MICU1: variants seen among roughly 807,000 people sequenced by gnomAD.
The protein encoded by MICU1 is mitochondrial calcium uptake 1, also known as calcium uptake protein 1, mitochondrial.
Under a neutral mutation model 56.8 loss-of-function variants are expected in MICU1, and 45 were observed. The observed-to-expected ratio is 0.79, with a 90% CI of 0.62 to 1.02. MICU1 has a LOEUF of 1.02. Among genes scored for constraint, MICU1 ranks in the 50% least tolerant of loss-of-function variants. The pLI is 0.00. For missense variants in MICU1, 504 were observed against 587.1 expected (o/e 0.86, Z 1.46); for synonymous variants, 186 against 195.1 (o/e 0.95, Z 0.39).
Position 72,563,015 on chromosome 10 carries a change from G to T in MICU1, c.210C>A (p.Ile70=). 1.2e-6 allele frequency: 2 copies of T among 1,603,098 alleles called. No individual in the cohort carries two copies. The highest frequency in any genetic ancestry group is 2.3e-5 in the South Asian group (2 of 88,282). ...PPCVDNLKSD[I]GDKGKNKDEG... ...CATCTTTATTCTTCCCTTTATCACCGATGTCACTTTTTAGGTTGTCTACAC... is the reference window on the plus strand; with the variant it reads ...CATCTTTATTCTTCCCTTTATCACCTATGTCACTTTTTAGGTTGTCTACAC... The change falls in exon 3 of 12, where the codon ATC becomes ATA. Residue 70 remains isoleucine, a synonymous_variant. Coordinates refer to ENST00000361114, the MANE Select transcript of MICU1 (RefSeq NM_001195518.2).
At chr10:72,526,414 G>A (rs1210488573) in intron 5 of MICU1, among the ~76,000 whole-genome samples, 1 of 152,026 alleles carries the variant, frequency 6.6e-6, no homozygotes, top group Non-Finnish European at 1.5e-5. Context: ...TCCTGCCTCA[G>A]CCTCCCAAGT....
At chr10:72,495,465 G>A (rs141083448) in intron 6 of MICU1, among the ~76,000 whole-genome samples, 3 of 152,110 alleles carry the variant, frequency 2.0e-5, no homozygotes, top group South Asian at 2.1e-4. Flanking sequence ...AGACTAGCAC[G>A]GCCAACATGG....
intron 5 of MICU1, among the ~76,000 whole-genome samples, chr10:72,525,003 T>A (rs1016012592): frequency 3.3e-5 from 5 of 152,184 alleles, no homozygotes; most frequent in Non-Finnish European, 7.4e-5. Context: ...GGCAAATAGT[T>A]GCTTTGCCAC....
At chr10:72,454,504 C>A (rs899251401) in intron 8 of MICU1, among the ~76,000 whole-genome samples, 8 of 140,088 alleles carry the variant, frequency 5.7e-5, no homozygotes, top group African/African-American at 2.1e-4. Flanking sequence ...AGTCATGGGC[C>A]AGGCACGGTG....
chr10:72,452,157 C>T lies in MICU1; in HGVS notation c.933+22943G>A, dbSNP rs572346096. ...TGTTGGGATTACCAGCATGAGCCAC[C>T]GCACCTGGCCAGTTAGTTATTTTCA... On this transcript the variant is annotated intron_variant, in intron 8 of 11. Transcript: ENST00000361114. 1.1e-4 allele frequency among the ~76,000 whole-genome samples: 16 copies of T among 152,228 alleles called. 1 individual carries two copies. The highest frequency in any genetic ancestry group is 7.2e-4 in the Admixed American group (11 of 15,282).
intron 8 of MICU1, among the ~76,000 whole-genome samples, chr10:72,451,238 T>C (rs941760325): frequency 2.0e-5 from 3 of 151,500 alleles, no homozygotes; most frequent in Non-Finnish European, 4.4e-5. Context: ...TTGGCCAGGA[T>C]GGTCTCGATC....
intron 10 of MICU1, among the ~76,000 whole-genome samples, chr10:72,385,919 G>A (rs1237418309): frequency 1.3e-5 from 2 of 152,208 alleles, no homozygotes; most frequent in African/African-American, 4.8e-5. Flanking sequence ...GCAAGGAGCT[G>A]TAGTCACCTG....
At chr10:72,474,290 A>G (rs1344856415) in intron 8 of MICU1, among the ~76,000 whole-genome samples, 1 of 148,810 alleles carries the variant, frequency 6.7e-6, no homozygotes, top group Non-Finnish European at 1.5e-5. Context: ...AAAAAAAAGA[A>G]GAAAAAGAAA....
chr10:72,583,798 T>C (rs537464992), intron 1 of MICU1, among the ~76,000 whole-genome samples: 11 of 152,316 alleles, frequency 7.2e-5, no homozygotes, highest in African/African-American at 2.2e-4. Context: ...AAGTTCTTCA[T>C]TGAAGACACT....
chr10:72,567,124 G>A (rs1389764230), intron 1 of MICU1, among the ~76,000 whole-genome samples: 2 of 152,026 alleles, frequency 1.3e-5, no homozygotes, highest in Non-Finnish European at 2.9e-5. Flanking sequence ...CAAAGAGAGA[G>A]GATCATTTGA....
chr10:72,498,470 C>T (rs1866922150), intron 6 of MICU1, among the ~76,000 whole-genome samples: 1 of 152,106 alleles, frequency 6.6e-6, no homozygotes, highest in Admixed American at 6.5e-5. Context: ...CCTGTAGTCC[C>T]AGCTACTTGG....
At chr10:72,450,661 G>C (rs1212930964) in intron 8 of MICU1, among the ~76,000 whole-genome samples, 1 of 151,622 alleles carries the variant, frequency 6.6e-6, no homozygotes, top group East Asian at 1.9e-4. Flanking sequence ...TCTTTCTCTT[G>C]CTGGTGCTAG....
At chr10:72,599,279 T>C (rs1237411195) in intron 1 of MICU1, among the ~76,000 whole-genome samples, 3 of 152,172 alleles carry the variant, frequency 2.0e-5, no homozygotes, top group South Asian at 2.1e-4. Context: ...AAGTCTTAAA[T>C]TCAAATTATT....
chr10:72,406,021 AT>A (rs1233834932), intron 10 of MICU1, among the ~76,000 whole-genome samples: 3 of 151,756 alleles, frequency 2.0e-5, no homozygotes, highest in East Asian at 1.9e-4. Context: ...AAAGCCATAA[AT>A]TTTTTTTTAA....
At chr10:72,532,738 G>T in intron 5 of MICU1, 1 of 371,912 alleles carries the variant, frequency 2.7e-6, no homozygotes, top group Non-Finnish European at 3.7e-6. Flanking sequence ...GATATTCACA[G>T]ATGGAGGCAT....
At chr10:72,607,268 T>C (rs968692946) in intron 1 of MICU1, among the ~76,000 whole-genome samples, 2 of 150,266 alleles carry the variant, frequency 1.3e-5, no homozygotes, top group Admixed American at 6.7e-5. Flanking sequence ...TTGAACCCGG[T>C]AGGCGGAGGT....
At position 72,569,225 on chromosome 10, in the gene MICU1, A is replaced by ATTTTTTTTTT. The variant is rs1320606721; in HGVS notation, c.-1-2432_-1-2431insAAAAAAAAAA. Among the ~76,000 whole-genome samples, 3 of 40,500 alleles carry ATTTTTTTTTT rather than the reference A, an allele frequency of 7.4e-5. 1 individual carries two copies. The highest frequency in any genetic ancestry group is 3.5e-4 in the African/African-American group (3 of 8,460). 26.6% of individuals were successfully genotyped at this position (40,500 alleles called of 152,430 possible). On this transcript the variant is annotated intron_variant, in intron 1 of 11. Transcript: ENST00000361114. ...TATATGCATATATATATATATATAT[A>ATTTTTTTTTT]TATATATATATATTTTTTTTTTTTT...
At chr10:72,579,491 A>G (rs538813690) in intron 1 of MICU1, among the ~76,000 whole-genome samples, 1 of 152,286 alleles carries the variant, frequency 6.6e-6, no homozygotes, top group East Asian at 1.9e-4. Context: ...AAGCAACCCT[A>G]ATCCACAAAT....
At chr10:72,390,900 G>A (rs1863046490) in intron 10 of MICU1, among the ~76,000 whole-genome samples, 1 of 152,232 alleles carries the variant, frequency 6.6e-6, no homozygotes, top group South Asian at 2.1e-4. Flanking sequence ...GTGGAACCCT[G>A]TGCCTAGCAC....
Sources: allele counts gnomAD v4.1 joint callset (sites outside exome capture counted in the v4.1 genomes callset), GRCh38; gene constraint gnomAD v4.1.1; transcripts MANE v1.5; gene names NCBI Gene and HGNC (gene_info 2026-07-23, HGNC 2026-07-21).